The following MTA3 variants were observed in gnomAD, a reference collection of about 807,000 sequenced individuals.
MTA3 encodes metastasis associated 1 family member 3, also known as metastasis-associated protein MTA3.
In MTA3, 34 loss-of-function variants were observed where a neutral mutation model predicts 83.5. That is an observed-to-expected ratio of 0.41 (90% CI 0.31 to 0.54). The LOEUF (loss-of-function observed/expected upper bound fraction) is 0.54, where lower values mean the gene tolerates loss of function less well. Among genes scored for constraint, MTA3 ranks in the 20% least tolerant of loss-of-function variants. MTA3 has a pLI of 0.33. For missense variants in MTA3, 761 were observed against 726.4 expected (o/e 1.05, Z -0.55); for synonymous variants, 303 against 252.7 (o/e 1.20, Z -1.89).
At chr2:42,504,049 G>A (rs531728322) in intron 2 of MTA3, among the ~76,000 whole-genome samples, 1 of 150,336 alleles carries the variant, frequency 6.7e-6, no homozygotes, top group South Asian at 2.1e-4. Context: ...TCAGCCTTCT[G>A]AGTAGCTGGG....
intron 9 of MTA3, among the ~76,000 whole-genome samples, chr2:42,685,278 GTA>G (rs1223732129): frequency 5.3e-5 from 8 of 152,122 alleles, no homozygotes; most frequent in African/African-American, 1.9e-4. Flanking sequence ...TTGTAGCATG[GTA>G]TATATTAGTT....
chr2:42,639,006 A>T (rs950593891), intron 4 of MTA3, among the ~76,000 whole-genome samples: 6 of 150,480 alleles, frequency 4.0e-5, no homozygotes, highest in Non-Finnish European at 5.9e-5. Flanking sequence ...TTTTCTTTGA[A>T]TTGTATTTCA....
intron 8 of MTA3, among the ~76,000 whole-genome samples, chr2:42,675,200 G>A (rs1426594036): frequency 2.0e-5 from 3 of 151,318 alleles, no homozygotes; most frequent in Non-Finnish European, 2.9e-5. Context: ...CAATGGTGAC[G>A]TCTCTGCTCA....
intron 2 of MTA3, among the ~76,000 whole-genome samples, chr2:42,577,066 C>A (rs1428074532): frequency 1.6e-5 from 2 of 125,356 alleles, no homozygotes; most frequent in Non-Finnish European, 1.6e-5. Flanking sequence ...TGCACTCAAG[C>A]CTGGCAACAG....
chr2:42,642,789 TGCCTGCCACCAC>T (rs1451383471), intron 5 of MTA3, among the ~76,000 whole-genome samples: 5 of 10,414 alleles, frequency 4.8e-4, no homozygotes, highest in Non-Finnish European at 8.4e-4. Flanking sequence ...GGATTACAGG[TGCCTGCCACCAC>T]ACCCGGCTGA....
chr2:42,568,750 C>T lies in MTA3; in HGVS notation c.5C>T (p.Ala2Val), dbSNP rs1452206230. The change falls in exon 1 of 17, where the codon GCG becomes GTG. Residue 2 changes from alanine to valine, a missense_variant. Physicochemically the swap from Ala to Val is moderately conservative, Grantham distance 64 (BLOSUM62 0). Coordinates refer to ENST00000405094, the MANE Select transcript of MTA3 (RefSeq NM_001330442.2). M[A>V]ANMYRVGDYV... ...TCCGCGGGCGGGCGGGCGGACATGG[C>T]GGCCAACATGTACCGGGTCGGAGGT... The T allele has an allele frequency of 8.2e-7, 1 of 1,218,980 alleles. No individual in the cohort carries two copies. Among genetic ancestry groups the T allele is most frequent in the Non-Finnish European group, 1.0e-6 (1 of 980,684 alleles). The allele number at this position is 1,218,980 out of a possible 1,614,324, so 75.5% of individuals were successfully genotyped here. A position where few individuals can be genotyped will look rare whatever the true frequency, so the allele number is the denominator to read the frequency against.
At chr2:42,753,329 C>G in intron 16 of MTA3, 45 bp from the exon 17 acceptor site, 1 of 1,550,102 alleles carries the variant, frequency 6.5e-7, no homozygotes, top group Non-Finnish European at 8.7e-7. Context: ...TTGCCTCCAC[C>G]ATCGGGACTT....
At position 42,756,691 on chromosome 2, in the gene MTA3, G is replaced by A. The variant is rs1670259960; in HGVS notation, c.*3292G>A. On this transcript the variant is annotated 3_prime_UTR_variant, in exon 17 of 17. Coordinates refer to ENST00000405094, the MANE Select transcript of MTA3 (RefSeq NM_001330442.2). ...GTTTTCCTTTGGGGGAATTTACTCA[G>A]TTAGCAGCCCCTCCTCACCATTCCC... 2 of 985,360 alleles carry A rather than the reference G, an allele frequency of 2.0e-6. No homozygotes were observed. The highest frequency in any genetic ancestry group is 9.4e-5 in the South Asian group (2 of 21,290). 61.0% of individuals were successfully genotyped at this position (985,360 alleles called of 1,614,324 possible). A position where few individuals can be genotyped will look rare whatever the true frequency, so the allele number is the denominator to read the frequency against.
At position 42,754,276 on chromosome 2, in the gene MTA3, C is replaced by A; in HGVS notation, c.*877C>A. On this transcript the variant is annotated 3_prime_UTR_variant, in exon 17 of 17. Transcript: ENST00000405094. ...GGGTCCTACAGCAGGTCACAAATGA[C>A]CTAGTTTCATTTTAAGCAGACAGAC... 1.2e-5 allele frequency: 12 copies of A among 985,390 alleles called. No homozygotes were observed. Among genetic ancestry groups the A allele is most frequent in the Non-Finnish European group, 1.3e-5 (11 of 829,942 alleles). The allele number at this position is 985,390 out of a possible 1,614,324, so 61.0% of individuals were successfully genotyped here. A position where few individuals can be genotyped will look rare whatever the true frequency, so the allele number is the denominator to read the frequency against.
At chr2:42,650,870 T>A (rs908024293) in intron 6 of MTA3, among the ~76,000 whole-genome samples, 3 of 152,248 alleles carry the variant, frequency 2.0e-5, no homozygotes, top group African/African-American at 7.2e-5. Flanking sequence ...TTATATCTAC[T>A]TCCAGAACTA....
intron 2 of MTA3, among the ~76,000 whole-genome samples, chr2:42,510,279 T>C (rs1424009497): frequency 1.4e-5 from 2 of 148,138 alleles, no homozygotes; most frequent in Non-Finnish European, 3.0e-5. Flanking sequence ...TGAGCTGAGA[T>C]TGCACCACTG....
intron 3 of MTA3, among the ~76,000 whole-genome samples, chr2:42,591,073 C>A (rs980581502): frequency 6.6e-6 from 1 of 150,936 alleles, no homozygotes; most frequent in Non-Finnish European, 1.5e-5. Flanking sequence ...GTGATTTTGT[C>A]TTTGTGTGGA....
intron 3 of MTA3, among the ~76,000 whole-genome samples, chr2:42,580,190 T>A (rs1188831575): frequency 6.6e-6 from 1 of 151,990 alleles, no homozygotes; most frequent in Non-Finnish European, 1.5e-5. Flanking sequence ...CAAGTGATCC[T>A]CCTACCTTGG....
At chr2:42,692,527 C>T (rs1238397344) in intron 9 of MTA3, among the ~76,000 whole-genome samples, 1 of 151,642 alleles carries the variant, frequency 6.6e-6, no homozygotes, top group Non-Finnish European at 1.5e-5. Context: ...CGGGTTCAAG[C>T]AATTCTCGTG....
intron 16 of MTA3, among the ~76,000 whole-genome samples, chr2:42,732,783 A>G (rs919654320): frequency 6.6e-6 from 1 of 152,226 alleles, no homozygotes. Flanking sequence ...TTTCTGCCAG[A>G]TATGCTAAAT....
chr2:42,724,690 C>A (rs1227250108), intron 16 of MTA3, among the ~76,000 whole-genome samples: 3 of 152,126 alleles, frequency 2.0e-5, no homozygotes, highest in African/African-American at 7.2e-5. Context: ...AGCATAGCAG[C>A]TTTCTGGTAT....
intron 2 of MTA3, among the ~76,000 whole-genome samples, chr2:42,543,847 T>C (rs1402583280): frequency 7.9e-5 from 12 of 151,664 alleles, no homozygotes; most frequent in Non-Finnish European, 2.9e-5. Flanking sequence ...AATATATATA[T>C]ATATTTTGTT....
chr2:42,712,675 A>C (rs910559993), intron 14 of MTA3: 2 of 152,176 alleles, frequency 1.3e-5, no homozygotes, highest in Non-Finnish European at 2.9e-5. Context: ...TGCATAAAGA[A>C]ACGTACTGTT....
At chr2:42,684,613 A>G (rs1692214564) in intron 9 of MTA3, among the ~76,000 whole-genome samples, 2 of 152,198 alleles carry the variant, frequency 1.3e-5, no homozygotes, top group Admixed American at 6.5e-5. Context: ...AATTGCAAAG[A>G]ATGAAACCTA....
Sources: allele counts gnomAD v4.1 joint callset (sites outside exome capture counted in the v4.1 genomes callset), GRCh38; gene constraint gnomAD v4.1.1; transcripts MANE v1.5; gene names NCBI Gene and HGNC (gene_info 2026-07-23, HGNC 2026-07-21).